Variants in COL4A5 observed in about 807,000 individuals in gnomAD.
COL4A5 encodes collagen type IV alpha 5 chain, also known as collagen alpha-5(IV) chain.
Under a neutral mutation model 130.2 loss-of-function variants are expected in COL4A5, and 26 were observed. The ratio of observed to expected loss-of-function variants is 0.20; its 90% CI spans 0.15 to 0.28. The LOEUF (loss-of-function observed/expected upper bound fraction) is 0.28, where lower values mean the gene tolerates loss of function less well. COL4A5 is among the 10% of genes least tolerant of loss of function. The probability of loss-of-function intolerance (pLI) is 1.00; values close to 1 mark genes in which losing one functional copy is unlikely to be tolerated. For synonymous variants in COL4A5, 496 were observed against 439.6 expected (o/e 1.13, Z -1.60); for missense variants, 1,131 against 1,344.3 (o/e 0.84, Z 2.48).
intron 1 of COL4A5, among the ~76,000 whole-genome samples, chrX:108,500,929 G>C (rs1352221201): frequency 1.8e-5 from 2 of 111,122 alleles, no homozygotes; most frequent in African/African-American, 6.6e-5. Flanking sequence ...AGAAGAATGA[G>C]AGGATGTTGG....
At chrX:108,631,029 C>T (rs898775999) in intron 36 of COL4A5, among the ~76,000 whole-genome samples, 5 of 111,851 alleles carry the variant, frequency 4.5e-5, no homozygotes, top group African/African-American at 9.7e-5. Context: ...TGTTTTGGTA[C>T]GAGTACCATG....
chrX:108,655,268 A>G (rs148446309), intron 36 of COL4A5, 63 bp from the exon 37 acceptor site: 36 of 1,149,407 alleles, frequency 3.1e-5, no homozygotes, highest in Admixed American at 6.6e-5. Context: ...AAATAATGTT[A>G]TGTTCTTATA....
At position 108,678,382 on chromosome X, in the gene COL4A5, A is replaced by C. The variant is rs141760898; in HGVS notation, c.3942+749A>C. Among the ~76,000 whole-genome samples the C allele has an allele frequency of 7.2e-3, 805 of 111,563 alleles. 4 individuals carry two copies. Among genetic ancestry groups the C allele is most frequent in the East Asian group, 0.037 (130 of 3,548 alleles). Reference sequence around the variant, plus strand: ...ATTCTTCCAGTTACCTAGACTTAAAAATTTACTTCTGTTTACTCATTCTCT... The same window carrying C: ...ATTCTTCCAGTTACCTAGACTTAAACATTTACTTCTGTTTACTCATTCTCT... On this transcript the variant is annotated intron_variant, in intron 44 of 52. Transcript: ENST00000328300.
intron 1 of COL4A5, among the ~76,000 whole-genome samples, chrX:108,502,548 G>C (rs2065090573): frequency 9.0e-6 from 1 of 111,728 alleles, no homozygotes. Context: ...GCCTCCCAAA[G>C]TGCTGGGATT....
intron 32 of COL4A5, 131 bp downstream of exon 32, chrX:108,622,023 A>C (rs1422079542): frequency 7.6e-6 from 4 of 525,295 alleles, no homozygotes; most frequent in Non-Finnish European, 1.3e-5. Flanking sequence ...GTAACATGGC[A>C]TTTAAATAGG....
chrX:108,455,128 A>C (rs777737927), intron 1 of COL4A5, among the ~76,000 whole-genome samples: 1 of 111,427 alleles, frequency 9.0e-6, no homozygotes, highest in African/African-American at 3.3e-5. Context: ...ATAACCACTG[A>C]TCTGCTTTCT....
intron 36 of COL4A5, among the ~76,000 whole-genome samples, chrX:108,653,153 A>G (rs577911527): frequency 7.2e-5 from 8 of 111,651 alleles, no homozygotes; most frequent in African/African-American, 2.6e-4. Flanking sequence ...TGTTTTTTTC[A>G]GAAGCCCTAA....
intron 42 of COL4A5, chrX:108,670,696 C>T (rs1450607372): frequency 6.1e-6 from 2 of 329,108 alleles, no homozygotes; most frequent in Non-Finnish European, 1.2e-5. Flanking sequence ...CAAACTATCC[C>T]ACCTTCACAT....
chrX:108,651,042 T>C (rs912710913), intron 36 of COL4A5, among the ~76,000 whole-genome samples: 1 of 112,060 alleles, frequency 8.9e-6, no homozygotes, highest in Non-Finnish European at 1.9e-5. Flanking sequence ...GGATGAACCT[T>C]GAAAACATTA....
intron 29 of COL4A5, among the ~76,000 whole-genome samples, chrX:108,609,126 G>C (rs2066784522): frequency 8.9e-6 from 1 of 111,901 alleles, no homozygotes. Flanking sequence ...ATGGATATGT[G>C]ATTTCATTTT....
intron 1 of COL4A5, among the ~76,000 whole-genome samples, chrX:108,531,373 A>ATAAATAAAAT (rs1187318377): frequency 2.8e-5 from 3 of 108,591 alleles, no homozygotes; most frequent in Non-Finnish European, 5.7e-5. Context: ...AATGAAATAA[A>ATAAATAAAAT]TAAATAAAAA....
intron 36 of COL4A5, chrX:108,627,709 G>T: frequency 2.6e-6 from 1 of 379,786 alleles, no homozygotes; most frequent in Non-Finnish European, 3.4e-6. Context: ...AAAATAAAAA[G>T]TCTCCTTTTT....
chrX:108,502,287 T>G (rs1433701497), intron 1 of COL4A5, among the ~76,000 whole-genome samples: 1 of 110,439 alleles, frequency 9.1e-6, no homozygotes, highest in Non-Finnish European at 1.9e-5. Context: ...TTGTTTTGTT[T>G]TGTTTTGTTT....
intron 1 of COL4A5, among the ~76,000 whole-genome samples, chrX:108,522,425 C>T (rs1160976297): frequency 2.9e-5 from 3 of 103,350 alleles, no homozygotes; most frequent in African/African-American, 7.1e-5. Flanking sequence ...GTTTCAGTTT[C>T]TCCACATCCT....
At chrX:108,574,407 C>A (rs1370547203) in intron 9 of COL4A5, among the ~76,000 whole-genome samples, 1 of 111,009 alleles carries the variant, frequency 9.0e-6, no homozygotes, top group Non-Finnish European at 1.9e-5. Flanking sequence ...AGAATACATG[C>A]AAAATATATG....
intron 1 of COL4A5, among the ~76,000 whole-genome samples, chrX:108,527,678 T>C (rs1170470559): frequency 9.0e-6 from 1 of 111,304 alleles, no homozygotes; most frequent in East Asian, 2.8e-4. Flanking sequence ...GCACTCACCA[T>C]TGGGGTCCTG....
intron 1 of COL4A5, among the ~76,000 whole-genome samples, chrX:108,504,072 C>G (rs2065104058): frequency 9.0e-6 from 1 of 111,409 alleles, no homozygotes; most frequent in South Asian, 3.7e-4. Flanking sequence ...GAATAGAGAA[C>G]TGAGAAATAA....
At chrX:108,686,246 C>G (rs759144383) in intron 48 of COL4A5, 117 bp downstream of exon 48, 4 of 574,885 alleles carry the variant, frequency 7.0e-6, no homozygotes, top group Non-Finnish European at 1.2e-5. Flanking sequence ...GCATAGCTGA[C>G]TGGTGAATGT....
At chrX:108,581,688 A>G (rs1174389337) in intron 16 of COL4A5, among the ~76,000 whole-genome samples, 1 of 111,179 alleles carries the variant, frequency 9.0e-6, no homozygotes, top group African/African-American at 3.3e-5. Context: ...AACATAATAC[A>G]TTGAATTGTG....
Sources: allele counts gnomAD v4.1 joint callset (sites outside exome capture counted in the v4.1 genomes callset), GRCh38; gene constraint gnomAD v4.1.1; transcripts MANE v1.5; gene names NCBI Gene and HGNC (gene_info 2026-07-23, HGNC 2026-07-21).